The following CSMD1 variants were observed in gnomAD, a reference collection of about 807,000 sequenced individuals.
The protein encoded by CSMD1 is CUB and Sushi multiple domains 1.
In CSMD1, 213 loss-of-function variants were observed where a neutral mutation model predicts 417.5. The ratio of observed to expected loss-of-function variants is 0.51; its 90% CI spans 0.46 to 0.57. The LOEUF is 0.57. Among genes scored for constraint, CSMD1 ranks in the 20% least tolerant of loss-of-function variants. CSMD1 has a pLI of 0.00. For missense variants in CSMD1, 6,923 were observed against 4,529.7 expected, an observed-to-expected ratio of 1.53 and a Z score of -15.17; for synonymous variants, 2,862 against 1,736.8, an observed-to-expected ratio of 1.65 and a Z score of -16.11.
intron 33 of CSMD1, among the ~76,000 whole-genome samples, chr8:3,197,462 A>AT (rs10549384): frequency 0.013 from 1,498 of 114,900 alleles, 33 homozygotes; most frequent in South Asian, 0.072. Flanking sequence ...AGCTCAAATA[A>AT]TTTTTTTTTT....
chr8:3,583,325 G>A (rs573491865), intron 9 of CSMD1, among the ~76,000 whole-genome samples: 8 of 151,844 alleles, frequency 5.3e-5, no homozygotes, highest in African/African-American at 1.5e-4. Context: ...CGGGTTGTGG[G>A]TCAGAGCTGC....
chr8:4,510,389 C>CAAAAAAAAAAAAAAAAAAAAAAAAAA (rs1563243981), intron 2 of CSMD1, among the ~76,000 whole-genome samples: 1 of 10,960 alleles, frequency 9.1e-5, no homozygotes, highest in African/African-American at 4.1e-4. Context: ...AGCATAATGC[C>CAAAAAAAAAAAAAAAAAAAAAAAAAA]TAAAAAAAAA....
At chr8:3,452,142 C>T (rs936263786) in intron 12 of CSMD1, among the ~76,000 whole-genome samples, 19 of 152,304 alleles carry the variant, frequency 1.2e-4, no homozygotes, top group African/African-American at 4.1e-4. Flanking sequence ...TATAAGAATG[C>T]TTGTGATTTT....
intron 49 of CSMD1, among the ~76,000 whole-genome samples, chr8:3,081,852 G>A (rs1455105449): frequency 6.6e-6 from 1 of 152,144 alleles, no homozygotes; most frequent in East Asian, 1.9e-4. Flanking sequence ...CTCATTACTG[G>A]TAATTTTTAA....
intron 5 of CSMD1, among the ~76,000 whole-genome samples, chr8:3,768,710 G>T (rs912438217): frequency 6.6e-6 from 1 of 152,190 alleles, no homozygotes; most frequent in Non-Finnish European, 1.5e-5. Flanking sequence ...GCAAAGTTAT[G>T]TAATTTCTTT....
intron 1 of CSMD1, among the ~76,000 whole-genome samples, chr8:4,848,875 T>G (rs13271979): frequency 0.44 from 67,217 of 152,166 alleles, 15,097 homozygotes; most frequent in Non-Finnish European, 0.5. Flanking sequence ...AATAAACAAC[T>G]ATGTTTCTGG....
rs1796888526 is a variant in CSMD1 at position 3,199,699 on chromosome 8, T to G, written c.5194+15A>C. 1 of 1,553,670 alleles carries G rather than the reference T, an allele frequency of 6.4e-7. No homozygotes were observed. The highest frequency in any genetic ancestry group is 8.8e-7 in the Non-Finnish European group (1 of 1,141,878). ...GACCACAGTGACATGTGGAGACATG[T>G]GGAGTGACGCTTACCTTGATACACG... On this transcript the variant is annotated intron_variant, in intron 33 of 69. Coordinates refer to ENST00000635120, the MANE Select transcript of CSMD1 (RefSeq NM_033225.6).
intron 2 of CSMD1, among the ~76,000 whole-genome samples, chr8:4,469,422 G>T (rs923652145): frequency 6.6e-6 from 1 of 152,206 alleles, no homozygotes; most frequent in Admixed American, 6.5e-5. Flanking sequence ...CAGATTACAA[G>T]TATCATCTGG....
At chr8:3,422,901 G>A (rs1017261210) in intron 12 of CSMD1, among the ~76,000 whole-genome samples, 6 of 152,122 alleles carry the variant, frequency 3.9e-5, no homozygotes, top group Admixed American at 2.0e-4. Context: ...GAGGAACACT[G>A]TCCTCACATG....
At chr8:3,094,335 C>T (rs1012438142) in intron 47 of CSMD1, among the ~76,000 whole-genome samples, 12 of 152,044 alleles carry the variant, frequency 7.9e-5, no homozygotes, top group African/African-American at 2.9e-4. Context: ...AAACTCCTGA[C>T]CTCAGGTGAT....
chr8:4,865,528 A>G (rs1307453314), intron 1 of CSMD1, among the ~76,000 whole-genome samples: 1 of 151,932 alleles, frequency 6.6e-6, no homozygotes, highest in African/African-American at 2.4e-5. Flanking sequence ...ATATTAGAAA[A>G]TCACTTGGAG....
intron 7 of CSMD1, among the ~76,000 whole-genome samples, chr8:3,632,995 T>A (rs866671108): frequency 1.3e-5 from 2 of 152,270 alleles, no homozygotes; most frequent in African/African-American, 2.4e-5. Flanking sequence ...CTCTCGCACC[T>A]GAGAGATATG....
At chr8:4,865,754 C>T (rs1160517021) in intron 1 of CSMD1, among the ~76,000 whole-genome samples, 1 of 151,842 alleles carries the variant, frequency 6.6e-6, no homozygotes, top group African/African-American at 2.4e-5. Context: ...GAGAAAAGCT[C>T]AACCCTAGCC....
intron 25 of CSMD1, among the ~76,000 whole-genome samples, chr8:3,284,959 A>G (rs574665166): frequency 6.6e-5 from 10 of 152,214 alleles, no homozygotes; most frequent in African/African-American, 1.2e-4. Flanking sequence ...CCATACTTCT[A>G]TTAGACTTCC....
intron 3 of CSMD1, among the ~76,000 whole-genome samples, chr8:4,145,144 A>T (rs1440885301): frequency 2.0e-5 from 3 of 151,220 alleles, no homozygotes; most frequent in Non-Finnish European, 2.9e-5. Flanking sequence ...GTTTAGACAC[A>T]TGTAATAAAA....
At chr8:3,878,520 A>G (rs916040802) in intron 5 of CSMD1, among the ~76,000 whole-genome samples, 1 of 152,158 alleles carries the variant, frequency 6.6e-6, no homozygotes, top group Admixed American at 6.5e-5. Context: ...ATTTTTATTT[A>G]TTTAAAAAAT....
intron 6 of CSMD1, among the ~76,000 whole-genome samples, chr8:3,724,038 T>C (rs1251116432): frequency 1.2e-5 from 1 of 85,160 alleles, no homozygotes; most frequent in Admixed American, 1.2e-4. Context: ...TTCAACTTTC[T>C]ATCTGTGTAA....
intron 7 of CSMD1, among the ~76,000 whole-genome samples, chr8:3,621,762 A>ATTC (rs1316611514): frequency 1.3e-5 from 2 of 150,730 alleles, no homozygotes; most frequent in Non-Finnish European, 3.0e-5. Flanking sequence ...TATTATTATT[A>ATTC]TTATTTTATT....
At chr8:3,076,244 G>A (rs956888735) in intron 49 of CSMD1, among the ~76,000 whole-genome samples, 2 of 95,734 alleles carry the variant, frequency 2.1e-5, no homozygotes, top group Middle Eastern at 4.4e-3. Context: ...TCCTTTGTGT[G>A]TAGACATCAT....
Sources: allele counts gnomAD v4.1 joint callset (sites outside exome capture counted in the v4.1 genomes callset), GRCh38; gene constraint gnomAD v4.1.1; transcripts MANE v1.5; gene names NCBI Gene and HGNC (gene_info 2026-07-23, HGNC 2026-07-21).